The following PRRG1 variants were observed in gnomAD, a reference collection of about 807,000 sequenced individuals.
PRRG1 encodes transmembrane gamma-carboxyglutamic acid protein 1.
PRRG1 carries 5 observed loss-of-function variants against 11.8 expected under a neutral mutation model. The observed-to-expected ratio is 0.42, with a 90% CI of 0.22 to 0.89. The LOEUF (loss-of-function observed/expected upper bound fraction) is 0.89. Ranked by LOEUF, PRRG1 falls within the 40% of genes least tolerant of loss-of-function variation. PRRG1 has a pLI of 0.28. For missense variants in PRRG1, 155 were observed against 166.1 expected, an observed-to-expected ratio of 0.93 and a Z score of 0.37; for synonymous variants, 66 against 60.4, an observed-to-expected ratio of 1.09 and a Z score of -0.43.
chrX:37,423,644 C>T (rs965906297), intron 2 of PRRG1, among the ~76,000 whole-genome samples: 2 of 110,354 alleles, frequency 1.8e-5, no homozygotes, highest in African/African-American at 6.6e-5. Flanking sequence ...GCTGGGATTA[C>T]AGGCATGAGT....
intron 3 of PRRG1, among the ~76,000 whole-genome samples, chrX:37,452,715 C>T (rs1396198933): frequency 3.6e-5 from 4 of 111,867 alleles, no homozygotes; most frequent in African/African-American, 1.3e-4. Context: ...ACTGCCTAAA[C>T]TTGTACATAC....
At chrX:37,415,230 G>A (rs781993082) in intron 2 of PRRG1, among the ~76,000 whole-genome samples, 1 of 111,506 alleles carries the variant, frequency 9.0e-6, no homozygotes, top group African/African-American at 3.3e-5. Flanking sequence ...CCAACATGGC[G>A]AAGCCCCGTC....
chrX:37,449,474 C>T (rs1921038038), intron 3 of PRRG1, among the ~76,000 whole-genome samples: 1 of 112,321 alleles, frequency 8.9e-6, no homozygotes, highest in Non-Finnish European at 1.9e-5. Context: ...ACAGAAAAAG[C>T]ACACATTTTA....
At chrX:37,387,786 A>G (rs1235051273) in intron 1 of PRRG1, among the ~76,000 whole-genome samples, 2 of 111,295 alleles carry the variant, frequency 1.8e-5, no homozygotes, top group African/African-American at 6.5e-5. Context: ...GCAAAATACA[A>G]TCATGCCTTC....
chrX:37,407,653 T>A (rs976731746), intron 2 of PRRG1, among the ~76,000 whole-genome samples: 1 of 112,142 alleles, frequency 8.9e-6, no homozygotes, highest in African/African-American at 3.2e-5. Flanking sequence ...TGATAATACA[T>A]GTAAAAGTGT....
intron 1 of PRRG1, among the ~76,000 whole-genome samples, chrX:37,402,154 T>C (rs1556380527): frequency 9.0e-6 from 1 of 110,981 alleles, no homozygotes; most frequent in East Asian, 2.8e-4. Context: ...TCATATGGAA[T>C]CAAAAAAGAG....
chrX:37,442,280 C>A lies in PRRG1; in HGVS notation c.172-10856C>A, dbSNP rs185914413. On this transcript the variant is annotated intron_variant, in intron 3 of 3. Transcript: ENST00000378628. ...CACTCTCACCTTTTAGGAATCAGGGCACATCCCCATGCAGGCTTAAAGTAG... is the reference window on the plus strand; with the variant it reads ...CACTCTCACCTTTTAGGAATCAGGGAACATCCCCATGCAGGCTTAAAGTAG... 187 of 716,521 alleles carry A rather than the reference C, an allele frequency of 2.6e-4. 1 individual carries two copies. The African/African-American group carries it at 4.2e-3, about 16-fold the overall frequency. 59.0% of individuals were successfully genotyped at this position (716,521 alleles called of 1,213,427 possible).
At chrX:37,386,092 G>C (rs1931318814) in intron 1 of PRRG1, among the ~76,000 whole-genome samples, 1 of 111,913 alleles carries the variant, frequency 8.9e-6, no homozygotes, top group African/African-American at 3.2e-5. Flanking sequence ...ACCTGTTGAG[G>C]GATGCCTCAG....
chrX:37,356,883 T>A lies in PRRG1; in HGVS notation c.-42+7488T>A, dbSNP rs782038324. Reference sequence around the variant, plus strand: ...TGTACCACAGTGGTACATTTGTTGCTGTTCATGAACCTCCATTGACATATC... The same window carrying A: ...TGTACCACAGTGGTACATTTGTTGCAGTTCATGAACCTCCATTGACATATC... On this transcript the variant is annotated intron_variant, in intron 1 of 3. Transcript: ENST00000378628. Among the ~76,000 whole-genome samples the A allele has an allele frequency of 6.3e-5, 7 of 111,648 alleles. No homozygotes were observed. The South Asian group carries it at 2.7e-3, about 42-fold the overall frequency.
chrX:37,402,431 A>T (rs5918523), intron 1 of PRRG1, among the ~76,000 whole-genome samples: 32,764 of 110,894 alleles, frequency 0.3, 7,102 homozygotes, highest in African/African-American at 0.77. Flanking sequence ...GCTAGCGATA[A>T]GTAGAAAGCT....
At chrX:37,388,104 A>C (rs1270617730) in intron 1 of PRRG1, among the ~76,000 whole-genome samples, 1 of 111,934 alleles carries the variant, frequency 8.9e-6, no homozygotes, top group Admixed American at 9.4e-5. Context: ...TCCATGGCCC[A>C]GTGATACAAG....
chrX:37,388,277 C>A (rs1315074041), intron 1 of PRRG1, among the ~76,000 whole-genome samples: 1 of 112,363 alleles, frequency 8.9e-6, no homozygotes, highest in Non-Finnish European at 1.9e-5. Flanking sequence ...AGATGGTGAC[C>A]CTCTTCTCAC....
chrX:37,414,617 C>T (rs1412204097), intron 2 of PRRG1, among the ~76,000 whole-genome samples: 1 of 112,897 alleles, frequency 8.9e-6, no homozygotes, highest in Non-Finnish European at 1.9e-5. Flanking sequence ...TCAGACAGAA[C>T]AACTGTACTA....
At chrX:37,354,618 C>T (rs1305900498) in intron 1 of PRRG1, among the ~76,000 whole-genome samples, 20 of 109,812 alleles carry the variant, frequency 1.8e-4, no homozygotes, top group Non-Finnish European at 3.4e-4. Context: ...TGGTCTCGAT[C>T]TCCTGACCTT....
intron 3 of PRRG1, 65 bp downstream of exon 3, chrX:37,426,065 C>A: frequency 9.7e-7 from 1 of 1,034,159 alleles, no homozygotes; most frequent in Admixed American, 3.2e-5. Flanking sequence ...TATTTGAAAT[C>A]TGCATCCCTG....
chrX:37,403,353 A>C (rs1602007290), intron 1 of PRRG1, among the ~76,000 whole-genome samples: 1 of 107,923 alleles, frequency 9.3e-6, no homozygotes, highest in Non-Finnish European at 1.9e-5. Context: ...ATTGGAAATC[A>C]TCATTCTCAG....
rs6609633 is a variant in PRRG1 at position 37,411,263 on chromosome X, T to C, written c.10+5004T>C. 3.6e-5 allele frequency among the ~76,000 whole-genome samples: 4 copies of C among 112,344 alleles called. No homozygotes were observed. The East Asian group carries it at 1.1e-3, about 31-fold the overall frequency. On this transcript the variant is annotated intron_variant, in intron 2 of 3. Coordinates refer to ENST00000378628, the MANE Select transcript of PRRG1 (RefSeq NM_001142395.2). ...ATATGCATAGGTTATATGCAACTACTATGCCATTTTATATAAGGGACTTGA... is the reference window on the plus strand; with the variant it reads ...ATATGCATAGGTTATATGCAACTACCATGCCATTTTATATAAGGGACTTGA...
chrX:37,438,430 CTTTT>C (rs782783420), intron 3 of PRRG1, among the ~76,000 whole-genome samples: 1 of 69,008 alleles, frequency 1.4e-5, no homozygotes, highest in African/African-American at 5.8e-5. Context: ...GAATTTTTTC[CTTTT>C]TTTTTTTTTT....
rs782297087 is a variant in PRRG1 at position 37,418,789 on chromosome X, C to G, written c.11-7051C>G. Among the ~76,000 whole-genome samples the G allele has an allele frequency of 1.7e-3, 185 of 111,407 alleles. 2 individuals are homozygous for G. The highest frequency in any genetic ancestry group is 2.5e-3 in the Non-Finnish European group (134 of 53,047). On this transcript the variant is annotated intron_variant, in intron 2 of 3. Transcript: ENST00000378628. ...AGCCTTCTGACTCTCTTTTCCCTTG[C>G]CTTCAGATTAATTAGCTTTCACTTC... is the stretch of plus-strand genomic sequence containing the variant.
Sources: allele counts gnomAD v4.1 joint callset (sites outside exome capture counted in the v4.1 genomes callset), GRCh38; gene constraint gnomAD v4.1.1; transcripts MANE v1.5; gene names NCBI Gene and HGNC (gene_info 2026-07-23, HGNC 2026-07-21).